Variants in NALF1 observed in about 807,000 individuals in gnomAD.
The protein encoded by NALF1 is family with sequence similarity 155 member A.
Under a neutral mutation model 48.4 loss-of-function variants are expected in NALF1, and 3 were observed. The observed-to-expected ratio is 0.06, with a 90% CI of 0.03 to 0.16. The LOEUF (loss-of-function observed/expected upper bound fraction) is 0.16. Ranked by LOEUF, NALF1 falls within the 10% of genes least tolerant of loss-of-function variation. NALF1 has a pLI of 1.00. For synonymous variants in NALF1, 262 were observed against 245.7 expected (o/e 1.07, Z -0.62); for missense variants, 526 against 571.5 (o/e 0.92, Z 0.81).
chr13:107,393,820 A>G (rs1883666620), intron 1 of NALF1, among the ~76,000 whole-genome samples: 1 of 152,226 alleles, frequency 6.6e-6, no homozygotes, highest in Non-Finnish European at 1.5e-5. Context: ...ATAAAACTCT[A>G]TATAACTCTA....
chr13:107,519,381 T>G (rs748199892), intron 1 of NALF1, among the ~76,000 whole-genome samples: 4 of 151,470 alleles, frequency 2.6e-5, no homozygotes, highest in Non-Finnish European at 4.4e-5. Context: ...AAAAAAACTT[T>G]TCAAAGAAAA....
chr13:107,363,942 A>G (rs1192849613), intron 1 of NALF1, among the ~76,000 whole-genome samples: 3 of 152,216 alleles, frequency 2.0e-5, no homozygotes, highest in Non-Finnish European at 2.9e-5. Context: ...CGTGTAGTTG[A>G]GTAAGAGTAG....
chr13:107,795,051 T>C (rs1878373642), intron 1 of NALF1, among the ~76,000 whole-genome samples: 2 of 152,172 alleles, frequency 1.3e-5, no homozygotes, highest in South Asian at 4.1e-4. Context: ...AAGATGTTTA[T>C]TTGCATACAA....
intron 1 of NALF1, among the ~76,000 whole-genome samples, chr13:107,273,621 C>T (rs1881219976): frequency 6.6e-6 from 1 of 152,154 alleles, no homozygotes; most frequent in Non-Finnish European, 1.5e-5. Context: ...TGCTTTTGTT[C>T]CTAATGACTG....
chr13:107,382,291 GC>G (rs1566318809), intron 1 of NALF1, among the ~76,000 whole-genome samples: 1 of 152,134 alleles, frequency 6.6e-6, no homozygotes, highest in Non-Finnish European at 1.5e-5. Flanking sequence ...TGGCTTAAAA[GC>G]AAAAATCGTG....
chr13:107,862,437 CATT>C (rs1880597640), intron 1 of NALF1, among the ~76,000 whole-genome samples: 1 of 151,962 alleles, frequency 6.6e-6, no homozygotes, highest in African/African-American at 2.4e-5. Flanking sequence ...GCATCAAAAA[CATT>C]GTTTTAAATA....
At chr13:107,345,869 C>T (rs899685659) in intron 1 of NALF1, among the ~76,000 whole-genome samples, 2 of 151,984 alleles carry the variant, frequency 1.3e-5, no homozygotes, top group African/African-American at 4.8e-5. Context: ...GGTTAATATC[C>T]AGAACTTACA....
chr13:107,240,610 C>A (rs762513803), intron 1 of NALF1, among the ~76,000 whole-genome samples: 3 of 152,126 alleles, frequency 2.0e-5, no homozygotes, highest in African/African-American at 7.2e-5. Flanking sequence ...AACTATAAAA[C>A]GTGCTTTAGA....
chr13:107,766,017 G>A (rs1184253730), intron 1 of NALF1, among the ~76,000 whole-genome samples: 2 of 48,794 alleles, frequency 4.1e-5, no homozygotes, highest in Non-Finnish European at 7.0e-5. Flanking sequence ...CTTTGTTCAC[G>A]TAAAAATAAT....
At position 107,283,861 on chromosome 13, in the gene NALF1, G is replaced by A. The variant is rs188762847; in HGVS notation, c.916-73106C>T. On this transcript the variant is annotated intron_variant, in intron 1 of 2. Coordinates refer to ENST00000375915, the MANE Select transcript of NALF1 (RefSeq NM_001080396.3). ...TTTTAGTAGAGACGGGGGTTTCACC[G>A]TGTTAGCCAGGATGGTCTTGATCTC... 3.2e-3 allele frequency among the ~76,000 whole-genome samples: 485 copies of A among 151,808 alleles called. 4 individuals are homozygous for A. The highest frequency in any genetic ancestry group is 0.011 in the African/African-American group (468 of 41,392).
chr13:107,261,121 G>A (rs1156313558), intron 1 of NALF1, among the ~76,000 whole-genome samples: 2 of 152,188 alleles, frequency 1.3e-5, no homozygotes, highest in African/African-American at 4.8e-5. Flanking sequence ...TAACCTATCT[G>A]AGCTAATTCA....
chr13:107,734,318 A>G (rs1339816698), intron 1 of NALF1, among the ~76,000 whole-genome samples: 3 of 151,970 alleles, frequency 2.0e-5, no homozygotes, highest in South Asian at 2.1e-4. Flanking sequence ...GAATTCTACA[A>G]TGTAACTTTG....
intron 1 of NALF1, among the ~76,000 whole-genome samples, chr13:107,446,405 TCACA>T (rs34962012): frequency 7.5e-4 from 109 of 146,080 alleles, no homozygotes; most frequent in East Asian, 1.6e-3. Flanking sequence ...ATAATTAAAT[TCACA>T]CACACACACA....
Position 107,586,913 on chromosome 13 carries a change from T to C in NALF1, c.915+278769A>G, listed in dbSNP as rs181011781. Among the ~76,000 whole-genome samples, 3 of 152,202 alleles carry C rather than the reference T, an allele frequency of 2.0e-5. No individual in the cohort carries two copies. The East Asian group carries it at 5.8e-4, about 29-fold the overall frequency. On this transcript the variant is annotated intron_variant, in intron 1 of 2. Transcript: ENST00000375915. ...GAATAGATTAGAAATAGATTTACCATGATTAATCTATTATGCTAGCAAACT... is the reference window on the plus strand; with the variant it reads ...GAATAGATTAGAAATAGATTTACCACGATTAATCTATTATGCTAGCAAACT...
intron 1 of NALF1, among the ~76,000 whole-genome samples, chr13:107,289,687 CA>C (rs1288388045): frequency 6.6e-6 from 1 of 152,116 alleles, no homozygotes; most frequent in African/African-American, 2.4e-5. Flanking sequence ...ACATGAAATC[CA>C]CGAGTCTCCA....
At chr13:107,534,278 T>A (rs1448855227) in intron 1 of NALF1, among the ~76,000 whole-genome samples, 1 of 152,108 alleles carries the variant, frequency 6.6e-6, no homozygotes, top group Non-Finnish European at 1.5e-5. Flanking sequence ...AATTTTTGCC[T>A]CATCTTCCAA....
intron 1 of NALF1, among the ~76,000 whole-genome samples, chr13:107,267,648 GTA>G (rs1881069400): frequency 6.6e-6 from 1 of 152,144 alleles, no homozygotes; most frequent in African/African-American, 2.4e-5. Context: ...TTTTCTTCTT[GTA>G]CACACATACC....
At position 107,467,895 on chromosome 13, in the gene NALF1, A is replaced by T. The variant is rs185779452; in HGVS notation, c.916-257140T>A. Among the ~76,000 whole-genome samples, 1,217 of 152,134 alleles carry T rather than the reference A, an allele frequency of 8.0e-3. 15 individuals are homozygous for T. Among genetic ancestry groups the T allele is most frequent in the African/African-American group, 0.026 (1,079 of 41,514 alleles). On this transcript the variant is annotated intron_variant, in intron 1 of 2. Transcript: ENST00000375915. ...CTCTACAAAAAAATAAATAAATAAA[A>T]AAATTAGCCGGGCGTGGTGGCGGGC... is the stretch of plus-strand genomic sequence containing the variant.
rs1566466292 is a variant in NALF1 at position 107,746,843 on chromosome 13, T to C, written c.915+118839A>G. Among the ~76,000 whole-genome samples the C allele has an allele frequency of 4.6e-5, 7 of 152,266 alleles. No individual in the cohort carries two copies. The South Asian group carries it at 1.2e-3, about 27-fold the overall frequency. ...GTGTTGGGAAAACTGAATATCCACATGCAGAAGAATGAAACTGGGTCTGTA... is the reference window on the plus strand; with the variant it reads ...GTGTTGGGAAAACTGAATATCCACACGCAGAAGAATGAAACTGGGTCTGTA... On this transcript the variant is annotated intron_variant, in intron 1 of 2. Coordinates refer to ENST00000375915, the MANE Select transcript of NALF1 (RefSeq NM_001080396.3).
Sources: gnomAD v4.1 joint callset for allele counts (sites outside exome capture counted in the v4.1 genomes callset) on GRCh38, gnomAD v4.1.1 for gene constraint, MANE v1.5 for transcripts, NCBI Gene and HGNC (gene_info 2026-07-23, HGNC 2026-07-21) for gene names.